CALN1: variants seen among roughly 807,000 people sequenced by gnomAD.
CALN1 encodes the protein calcium-binding protein 8.
CALN1 carries 17 observed loss-of-function variants against 30.6 expected under a neutral mutation model. The ratio of observed to expected loss-of-function variants is 0.56; its 90% confidence interval spans 0.38 to 0.83. The LOEUF (loss-of-function observed/expected upper bound fraction) is 0.83, where lower values mean the gene tolerates loss of function less well. CALN1 is among the 40% of genes least tolerant of loss of function. CALN1 has a pLI of 0.00. For missense variants in CALN1, 291 were observed against 354.9 expected (o/e 0.82, Z 1.45); for synonymous variants, 156 against 131.4 (o/e 1.19, Z -1.28).
At chr7:72,011,874 C>G (rs10252249) in intron 5 of CALN1, among the ~76,000 whole-genome samples, 21,675 of 151,878 alleles carry the variant, frequency 0.14, 2,439 homozygotes, top group East Asian at 0.34. Context: ...ACTCTGAACT[C>G]AAACAGTTCT....
At chr7:72,482,881 T>C in the CALN1 span, among the ~76,000 whole-genome samples, 1 of 152,294 alleles carries the variant, frequency 6.6e-6, no homozygotes, top group East Asian at 1.9e-4. Flanking sequence ...AAACACTTCA[T>C]TTATTGCAGA....
intron 1 of CALN1, among the ~76,000 whole-genome samples, chr7:72,408,209 G>A (rs1298479543): frequency 6.6e-6 from 1 of 151,174 alleles, no homozygotes; most frequent in Non-Finnish European, 1.5e-5. Flanking sequence ...AAGGGGGGTG[G>A]ATCACCCAAG....
At chr7:72,432,698 C>T (rs1585723220) in intron 1 of CALN1, among the ~76,000 whole-genome samples, 2 of 152,262 alleles carry the variant, frequency 1.3e-5, no homozygotes, top group Admixed American at 1.3e-4. Flanking sequence ...AATCACCTTG[C>T]ATCCTTTCTG....
chr7:72,243,459 T>G (rs1041978005), intron 3 of CALN1, among the ~76,000 whole-genome samples: 1 of 152,220 alleles, frequency 6.6e-6, no homozygotes, highest in Non-Finnish European at 1.5e-5. Flanking sequence ...GTTTGTTTTT[T>G]AAATCAGTGA....
At chr7:72,169,608 C>T (rs753090033) in intron 3 of CALN1, among the ~76,000 whole-genome samples, 5 of 151,858 alleles carry the variant, frequency 3.3e-5, no homozygotes, top group Non-Finnish European at 7.4e-5. Context: ...CAGGCTTGAG[C>T]CACCACGCAG....
At chr7:72,021,355 G>C (rs78844147) in intron 5 of CALN1, among the ~76,000 whole-genome samples, 2,019 of 152,166 alleles carry the variant, frequency 0.013, 28 homozygotes, top group Middle Eastern at 0.044. Context: ...AAACGCCCAG[G>C]GGAGAAGCAA....
At chr7:72,282,364 T>C (rs979071188) in intron 2 of CALN1, among the ~76,000 whole-genome samples, 4 of 152,224 alleles carry the variant, frequency 2.6e-5, no homozygotes, top group Non-Finnish European at 4.4e-5. Flanking sequence ...CTGTGTTTTA[T>C]GTAAACCAGT....
chr7:72,034,745 G>C (rs1237537265), intron 4 of CALN1, among the ~76,000 whole-genome samples: 3 of 132,796 alleles, frequency 2.3e-5, no homozygotes, highest in African/African-American at 8.7e-5. Flanking sequence ...CTGTGATCAT[G>C]CCAATGCACT....
intron 3 of CALN1, among the ~76,000 whole-genome samples, chr7:72,191,160 C>T (rs746622507): frequency 6.6e-6 from 1 of 152,140 alleles, no homozygotes; most frequent in East Asian, 1.9e-4. Context: ...TAAAGTCATG[C>T]GAGCAGGCTG....
intron 5 of CALN1, among the ~76,000 whole-genome samples, chr7:71,857,642 G>A (rs919760271): frequency 2.0e-5 from 3 of 152,098 alleles, no homozygotes; most frequent in South Asian, 2.1e-4. Context: ...TTAATCAGGC[G>A]AGCGCTGAGG....
At chr7:71,963,815 T>G (rs1357366875) in intron 5 of CALN1, among the ~76,000 whole-genome samples, 1 of 152,214 alleles carries the variant, frequency 6.6e-6, no homozygotes, top group Non-Finnish European at 1.5e-5. Flanking sequence ...AGCAATGCAA[T>G]GAGATTATCA....
chr7:72,278,008 C>CGGCG lies in CALN1; in HGVS notation c.244+677_244+678insCGCC, dbSNP rs199969336. ...GCCAAATCAACCTAATCCTCTATTCCGGGGGGGGGGGACTTGTTTTTCCTA... is the reference window on the plus strand; with the variant it reads ...GCCAAATCAACCTAATCCTCTATTCCGGCGGGGGGGGGGGGACTTGTTTTTCCTA... On this transcript the variant is annotated intron_variant, in intron 3 of 6. Coordinates refer to ENST00000395275, the MANE Select transcript of CALN1 (RefSeq NM_031468.4). Among the ~76,000 whole-genome samples, 106 of 49,102 alleles carry CGGCG rather than the reference C, an allele frequency of 2.2e-3. 3 individuals are homozygous for CGGCG. The highest frequency in any genetic ancestry group is 7.9e-3 in the African/African-American group (101 of 12,778). The allele number at this position is 49,102 out of a possible 152,430, so 32.2% of individuals were successfully genotyped here.
At chr7:72,044,362 C>T (rs1802326907) in intron 4 of CALN1, among the ~76,000 whole-genome samples, 1 of 151,544 alleles carries the variant, frequency 6.6e-6, no homozygotes, top group Non-Finnish European at 1.5e-5. Flanking sequence ...AGCCACCTCA[C>T]CCCTGTCTTC....
chr7:72,369,265 C>A lies in CALN1; in HGVS notation c.119+33986G>T, dbSNP rs112742112. On this transcript the variant is annotated intron_variant, in intron 2 of 6. Transcript: ENST00000395275. The stretch of plus-strand genomic sequence containing the variant: ...ATCAACATGGTAAACACGTACATTA[C>A]GCAAAGTGTTATATACATATAAAAT... Among the ~76,000 whole-genome samples the A allele has an allele frequency of 3.5e-3, 512 of 147,284 alleles. 2 individuals are homozygous for A. The highest frequency in any genetic ancestry group is 0.012 in the African/African-American group (485 of 39,310).
chr7:72,165,452 C>G (rs779735138), intron 3 of CALN1, among the ~76,000 whole-genome samples: 3 of 151,908 alleles, frequency 2.0e-5, no homozygotes, highest in Non-Finnish European at 4.4e-5. Context: ...TCCCAGCACC[C>G]CAGCTACTCA....
chr7:72,137,574 G>A (rs10281483), intron 3 of CALN1, among the ~76,000 whole-genome samples: 113,187 of 152,076 alleles, frequency 0.74, 42,466 homozygotes, highest in East Asian at 0.96. Flanking sequence ...AAAAAACACA[G>A]TATCTGCAAG....
intron 5 of CALN1, among the ~76,000 whole-genome samples, chr7:71,858,580 A>C (rs1791086300): frequency 6.6e-6 from 1 of 151,906 alleles, no homozygotes; most frequent in Non-Finnish European, 1.5e-5. Context: ...GACAGAGGAC[A>C]GACAGAACTC....
At chr7:72,126,051 G>A (rs112156198) in intron 3 of CALN1, among the ~76,000 whole-genome samples, 13 of 151,906 alleles carry the variant, frequency 8.6e-5, no homozygotes, top group African/African-American at 2.7e-4. Context: ...CGCCCACCTC[G>A]GCCTCCCAAA....
chr7:72,315,929 T>C (rs1800411185), intron 2 of CALN1, among the ~76,000 whole-genome samples: 1 of 151,922 alleles, frequency 6.6e-6, no homozygotes, highest in Admixed American at 6.6e-5. Context: ...GGAGGATCAC[T>C]TGAGGTCAAG....
Sources: gnomAD v4.1 joint callset for allele counts (sites outside exome capture counted in the v4.1 genomes callset) on GRCh38, gnomAD v4.1.1 for gene constraint, MANE v1.5 for transcripts, NCBI Gene and HGNC (gene_info 2026-07-23, HGNC 2026-07-21) for gene names.